COPG2: variants seen among roughly 807,000 people sequenced by gnomAD.
COPG2 encodes coat protein complex I subunit gamma 2, also known as coatomer subunit gamma-2.
Under a neutral mutation model 46.3 loss-of-function variants are expected in COPG2, and 37 were observed. The ratio of observed to expected loss-of-function variants is 0.80; its 90% confidence interval spans 0.61 to 1.05. The LOEUF is 1.05. Among genes scored for constraint, COPG2 ranks in the 50% least tolerant of loss-of-function variants. The pLI, the probability that COPG2 is intolerant of heterozygous loss-of-function variation, is 0.00. For missense variants in COPG2, 427 were observed against 387.8 expected (o/e 1.10, Z -0.85); for synonymous variants, 159 against 129.7 (o/e 1.23, Z -1.53).
At chr7:130,606,235 A>T (rs1321081964) in intron 9 of COPG2, among the ~76,000 whole-genome samples, 3 of 144,134 alleles carry the variant, frequency 2.1e-5, no homozygotes, top group Non-Finnish European at 4.7e-5. Context: ...TAAATAAAAA[A>T]AAGAAAGAGA....
intron 20 of COPG2, among the ~76,000 whole-genome samples, chr7:130,525,950 G>GAAATAAGTGACCTGGACAGCCT (rs1799770190): frequency 6.6e-6 from 1 of 151,408 alleles, no homozygotes; most frequent in Non-Finnish European, 1.5e-5. Flanking sequence ...AGGGAAAGAA[G>GAAATAAGTGACCTGGACAGCCT]AAATGAGTGA....
chr7:130,576,885 AAG>A (rs1165559352), intron 9 of COPG2, among the ~76,000 whole-genome samples: 2 of 152,204 alleles, frequency 1.3e-5, no homozygotes, highest in African/African-American at 4.8e-5. Flanking sequence ...ATCAACCAAG[AAG>A]AGAGAAAATC....
rs1412152919 is a variant in COPG2, at chr7:130,539,972, C to A, written c.2149+7702G>T. Among the ~76,000 whole-genome samples the A allele has an allele frequency of 2.1e-5, 3 of 142,498 alleles. No homozygotes were observed. The East Asian group carries it at 7.2e-4, about 34-fold the overall frequency. 93.5% of individuals were successfully genotyped at this position (142,498 alleles called of 152,430 possible). A position where few individuals can be genotyped will look rare whatever the true frequency, so the allele number is the denominator to read the frequency against. ...GAATGGCTGCTCTTAAAGCCTTGAACTTTGTTGCAGAAGTGTGAATCTTGG... is the reference window on the plus strand; with the variant it reads ...GAATGGCTGCTCTTAAAGCCTTGAAATTTGTTGCAGAAGTGTGAATCTTGG... On this transcript the variant is annotated intron_variant, in intron 20 of 23. Coordinates refer to ENST00000425248, the MANE Select transcript of COPG2 (RefSeq NM_012133.6).
chr7:130,612,683 C>T lies in COPG2; in HGVS notation c.493-445G>A, dbSNP rs144004631. ...TACACATTCACATATAGGTAACTGA[C>T]GTTAATCAAATGCAATGTGATAGGT... On this transcript the variant is annotated intron_variant, in intron 7 of 23. Coordinates refer to ENST00000425248, the MANE Select transcript of COPG2 (RefSeq NM_012133.6). Among the ~76,000 whole-genome samples, 760 of 152,166 alleles carry T rather than the reference C, an allele frequency of 5.0e-3. 4 individuals carry two copies. The highest frequency in any genetic ancestry group is 0.017 in the African/African-American group (717 of 41,512).
intron 5 of COPG2, among the ~76,000 whole-genome samples, chr7:130,652,316 T>C (rs1288107593): frequency 6.6e-6 from 1 of 152,216 alleles, no homozygotes; most frequent in Non-Finnish European, 1.5e-5. Flanking sequence ...ATTGAATCAA[T>C]TTATTACTCT....
At chr7:130,532,857 T>A (rs1280490399) in intron 20 of COPG2, among the ~76,000 whole-genome samples, 1 of 152,000 alleles carries the variant, frequency 6.6e-6, no homozygotes, top group Non-Finnish European at 1.5e-5. Flanking sequence ...GTGCGGGGCC[T>A]GGTCAAGAAA....
intron 5 of COPG2, among the ~76,000 whole-genome samples, chr7:130,633,790 T>G (rs1237781842): frequency 6.6e-6 from 1 of 152,238 alleles, no homozygotes; most frequent in African/African-American, 2.4e-5. Context: ...ATGAAGTCTT[T>G]GCCCATGCCT....
Position 130,612,229 on chromosome 7 carries a change from T to A in COPG2, c.502A>T (p.Lys168Ter). 6.3e-7 allele frequency: 1 copy of A among 1,585,052 alleles called. No homozygotes were observed. The highest frequency in any genetic ancestry group is 8.6e-7 in the Non-Finnish European group (1 of 1,169,442). Residue 168 changes from lysine (K) to a stop codon, truncating the protein, a stop_gained, in exon 8 of 24, where the codon AAG becomes TAG. Transcript: ENST00000425248. LOFTEE classifies it high-confidence loss of function. Reference sequence around the variant, plus strand: ...CGCTTAACCACATCATAGCTTATCTTCATCATGTGCTAAATACAGAAAAAA... The same window carrying A: ...CGCTTAACCACATCATAGCTTATCTACATCATGTGCTAAATACAGAAAAAA... Reference protein sequence around the residue: ...SALVSSLHMMKISYDVVKRWI... With the variant: ...SALVSSLHMM
intron 9 of COPG2, chr7:130,607,290 T>C (rs1312010502): frequency 1.8e-5 from 3 of 163,022 alleles, no homozygotes; most frequent in Admixed American, 6.5e-5. Flanking sequence ...AATAAAGTCA[T>C]GGACAAATTT....
chr7:130,606,347 A>G (rs569894509), intron 9 of COPG2, among the ~76,000 whole-genome samples: 2 of 152,166 alleles, frequency 1.3e-5, no homozygotes, highest in Non-Finnish European at 2.9e-5. Context: ...GGAAGAAGGA[A>G]GGAAGGAAGG....
In COPG2 at chr7:130,506,681, C is replaced by T. The variant is rs1554440101; in HGVS notation, c.2611G>A (p.Gly871Arg). The T allele has an allele frequency of 1.3e-6, 1 of 779,372 alleles. No homozygotes were observed. The highest frequency in any genetic ancestry group is 2.4e-6 in the Non-Finnish European group (1 of 417,146). 48.3% of individuals were successfully genotyped at this position (779,372 alleles called of 1,614,324 possible). A position where few individuals can be genotyped will look rare whatever the true frequency, so the allele number is the denominator to read the frequency against. Residue 871 changes from glycine to arginine, a missense_variant, in exon 24 of 24, where the codon GGA (glycine) becomes AGA (arginine). Coordinates refer to ENST00000425248, the MANE Select transcript of COPG2 (RefSeq NM_012133.6). ...TCCTCTTGTCCAGTAAGCATTTATC[C>T]AACAGAAGCTAAGATAACATCTACA... Reference protein sequence around the residue: ...TPVDVILASVG With the variant: ...TPVDVILASVR
chr7:130,521,968 A>T (rs1799728008), intron 20 of COPG2, among the ~76,000 whole-genome samples: 1 of 152,236 alleles, frequency 6.6e-6, no homozygotes. Context: ...TGAGTAGTAT[A>T]CTTAAATGTG....
chr7:130,522,997 T>C (rs911408160), intron 20 of COPG2, among the ~76,000 whole-genome samples: 26 of 151,030 alleles, frequency 1.7e-4, no homozygotes, highest in Non-Finnish European at 2.9e-4. Context: ...TGGATGCCTG[T>C]AATCCCAGCT....
intron 5 of COPG2, among the ~76,000 whole-genome samples, chr7:130,636,211 T>C (rs1554456192): frequency 6.6e-6 from 1 of 152,212 alleles, no homozygotes; most frequent in African/African-American, 2.4e-5. Context: ...TGTAGATTTC[T>C]ATTAGGTCCG....
In COPG2 at chr7:130,507,784, T is replaced by C. The variant is rs782255615; in HGVS notation, c.2287A>G (p.Lys763Glu). The change falls in exon 22 of 24, where the codon AAA (lysine) becomes GAA (glutamate). Residue 763 changes from lysine to glutamate, a missense_variant. Lys to Glu is a moderately conservative substitution (Grantham distance 56). Transcript: ENST00000425248. ...LEVTVSDHIQ[K>E]VLKPNFAAAW... ...GCAGCAAAGTTAGGCTTCAGTACTTTCTGAATATGGTCAGACACAGTCACT... is the reference window on the plus strand; with the variant it reads ...GCAGCAAAGTTAGGCTTCAGTACTTCCTGAATATGGTCAGACACAGTCACT... The C allele has an allele frequency of 3.8e-6, 3 of 780,620 alleles. 1 individual carries two copies. Among genetic ancestry groups the C allele is most frequent in the South Asian group, 2.7e-5 (2 of 74,614 alleles). The allele number at this position is 780,620 out of a possible 1,614,324, so 48.4% of individuals were successfully genotyped here.
intron 9 of COPG2, among the ~76,000 whole-genome samples, chr7:130,568,047 G>A (rs1793832153): frequency 6.6e-6 from 1 of 152,124 alleles, no homozygotes; most frequent in Non-Finnish European, 1.5e-5. Context: ...GGGAGGCCGA[G>A]GCAGGCAGAT....
chr7:130,577,534 G>C (rs1473104582), intron 9 of COPG2, among the ~76,000 whole-genome samples: 2 of 152,008 alleles, frequency 1.3e-5, no homozygotes, highest in Non-Finnish European at 2.9e-5. Context: ...GGCCGAGGCG[G>C]GTGGATCATG....
chr7:130,577,968 G>A (rs1186236556), intron 9 of COPG2, among the ~76,000 whole-genome samples: 1 of 152,212 alleles, frequency 6.6e-6, no homozygotes, highest in African/African-American at 2.4e-5. Flanking sequence ...CAAAGCAGCA[G>A]GGAAGCTCCA....
At chr7:130,593,782 A>G (rs1554449351) in intron 9 of COPG2, among the ~76,000 whole-genome samples, 1 of 152,154 alleles carries the variant, frequency 6.6e-6, no homozygotes, top group Non-Finnish European at 1.5e-5. Flanking sequence ...AAATGAAACA[A>G]TTCCAGGTAG....
Sources: allele counts gnomAD v4.1 joint callset (sites outside exome capture counted in the v4.1 genomes callset), GRCh38; gene constraint gnomAD v4.1.1; transcripts MANE v1.5; gene names NCBI Gene and HGNC (gene_info 2026-07-23, HGNC 2026-07-21).